Variants in THSD4 observed in about 807,000 individuals in gnomAD.
THSD4 encodes the protein thrombospondin type 1 domain containing 4, also known as thrombospondin type-1 domain-containing protein 4.
Under a neutral mutation model 119.0 loss-of-function variants are expected in THSD4, and 69 were observed. The observed-to-expected ratio is 0.58, with a 90% CI of 0.48 to 0.71. THSD4 has a LOEUF of 0.71. Ranked by LOEUF, THSD4 falls within the 30% of genes least tolerant of loss-of-function variation. The pLI is 0.00. For synonymous variants in THSD4, 524 were observed against 540.4 expected (o/e 0.97, Z 0.42); for missense variants, 1,393 against 1,391.1 (o/e 1.00, Z -0.02).
At chr15:71,710,390 T>C (rs1205547467) in intron 8 of THSD4, among the ~76,000 whole-genome samples, 1 of 152,214 alleles carries the variant, frequency 6.6e-6, no homozygotes. Context: ...CATCTGTAGT[T>C]GGAATCTTGA....
At chr15:71,165,211 G>T in intron 3 of THSD4, 3 of 1,558,804 alleles carry the variant, frequency 1.9e-6, no homozygotes, top group Non-Finnish European at 2.7e-6. Context: ...TTTCATAATG[G>T]GCCTTGTCCA....
At chr15:71,648,564 A>G (rs1269021098) in intron 7 of THSD4, among the ~76,000 whole-genome samples, 1 of 152,234 alleles carries the variant, frequency 6.6e-6, no homozygotes, top group Non-Finnish European at 1.5e-5. Context: ...AGTTACAAAG[A>G]TAAAAGAAAT....
chr15:71,494,312 G>A (rs967320801), intron 7 of THSD4, among the ~76,000 whole-genome samples: 2 of 152,064 alleles, frequency 1.3e-5, no homozygotes, highest in Non-Finnish European at 2.9e-5. Flanking sequence ...GCTCATCTCT[G>A]TCCCCATCTT....
chr15:71,520,393 C>G lies in THSD4; in HGVS notation c.1152+108570C>G, dbSNP rs1359715307. Among the ~76,000 whole-genome samples the G allele has an allele frequency of 3.3e-5, 5 of 152,250 alleles. No individual in the cohort carries two copies. The East Asian group carries it at 9.7e-4, about 29-fold the overall frequency. On this transcript the variant is annotated intron_variant, in intron 7 of 17. Transcript: ENST00000261862. The stretch of plus-strand genomic sequence containing the variant: ...ATCAGTTCAGACTGGAAGCATGGAG[C>G]CTAGGAGTGACTGCTCTTTCTTGAA...
At chr15:71,433,843 C>A (rs1220533311) in intron 7 of THSD4, among the ~76,000 whole-genome samples, 2 of 152,090 alleles carry the variant, frequency 1.3e-5, no homozygotes, top group Non-Finnish European at 2.9e-5. Flanking sequence ...CCAGGCCTCA[C>A]CATGGCCACC....
chr15:71,151,543 A>G (rs546630446), intron 2 of THSD4, among the ~76,000 whole-genome samples: 1 of 152,318 alleles, frequency 6.6e-6, no homozygotes, highest in South Asian at 2.1e-4. Context: ...CATTTTACAG[A>G]TGAGGAAACT....
intron 7 of THSD4, among the ~76,000 whole-genome samples, chr15:71,454,491 C>A (rs998948048): frequency 9.9e-5 from 15 of 152,226 alleles, no homozygotes; most frequent in Non-Finnish European, 1.6e-4. Context: ...CTGTGGGGCT[C>A]CAGGGCCAAG....
intron 6 of THSD4, among the ~76,000 whole-genome samples, chr15:71,270,362 A>G (rs1365741959): frequency 6.6e-6 from 1 of 152,222 alleles, no homozygotes; most frequent in African/African-American, 2.4e-5. Context: ...AGGATTCCCT[A>G]TTTAATAAAT....
At chr15:71,255,947 C>T (rs2044310287) in intron 5 of THSD4, among the ~76,000 whole-genome samples, 1 of 152,110 alleles carries the variant, frequency 6.6e-6, no homozygotes, top group African/African-American at 2.4e-5. Flanking sequence ...CAGATGGCCT[C>T]TTTGAGAGAA....
intron 6 of THSD4, among the ~76,000 whole-genome samples, chr15:71,329,897 A>G (rs2045399926): frequency 6.6e-6 from 1 of 152,190 alleles, no homozygotes; most frequent in African/African-American, 2.4e-5. Context: ...CCTGGGCAAC[A>G]TGGTGAAACT....
chr15:71,768,185 T>A (rs1475416108), intron 16 of THSD4, among the ~76,000 whole-genome samples: 2 of 151,974 alleles, frequency 1.3e-5, no homozygotes, highest in Non-Finnish European at 2.9e-5. Flanking sequence ...CTAAACTCCC[T>A]GTAAACTGAT....
At chr15:71,111,918 T>C (rs1478701716), upstream of THSD4, 10 of 566,430 alleles carry the variant, frequency 1.8e-5, no homozygotes, top group Non-Finnish European at 2.7e-5. Context: ...CCACGTCAAA[T>C]ACATTTGGGA....
At chr15:71,227,286 C>G (rs1350015773) in intron 4 of THSD4, among the ~76,000 whole-genome samples, 2 of 152,216 alleles carry the variant, frequency 1.3e-5, no homozygotes, top group East Asian at 3.8e-4. Context: ...ATTGAACTTT[C>G]TCCAAGTCAT....
At chr15:71,405,037 C>T (rs13329459) in intron 6 of THSD4, among the ~76,000 whole-genome samples, 26,158 of 151,938 alleles carry the variant, frequency 0.17, 2,300 homozygotes, top group South Asian at 0.24. Flanking sequence ...TACAGATGTG[C>T]GCAACCATGC....
chr15:71,199,933 GTGTA>G (rs2043787368), intron 3 of THSD4, among the ~76,000 whole-genome samples: 1 of 113,552 alleles, frequency 8.8e-6, no homozygotes, highest in Non-Finnish European at 2.0e-5. Context: ...GTGTGTGTGT[GTGTA>G]TGGCAGGGTG....
At chr15:71,564,775 GTATATTATAA>G (rs2049200171) in intron 7 of THSD4, among the ~76,000 whole-genome samples, 1 of 7,722 alleles carries the variant, frequency 1.3e-4, no homozygotes. Flanking sequence ...AATATATATT[GTATATTATAA>G]CATATAATAC....
intron 6 of THSD4, among the ~76,000 whole-genome samples, chr15:71,265,038 A>T (rs1285850613): frequency 6.6e-6 from 1 of 152,096 alleles, no homozygotes; most frequent in Non-Finnish European, 1.5e-5. Context: ...TAGTGTTCTT[A>T]TAAGAGGAAC....
chr15:71,443,555 G>A (rs181046939), intron 7 of THSD4, among the ~76,000 whole-genome samples: 10 of 152,278 alleles, frequency 6.6e-5, no homozygotes, highest in Non-Finnish European at 1.3e-4. Context: ...CATTGAAACA[G>A]CCCTTTGAAA....
At chr15:71,118,787 C>T (rs1394675178) in intron 1 of THSD4, among the ~76,000 whole-genome samples, 1 of 152,190 alleles carries the variant, frequency 6.6e-6, no homozygotes, top group Non-Finnish European at 1.5e-5. Context: ...TGCTGGAAGC[C>T]AACACATGAT....
Sources: gnomAD v4.1 joint callset for allele counts (sites outside exome capture counted in the v4.1 genomes callset) on GRCh38, gnomAD v4.1.1 for gene constraint, MANE v1.5 for transcripts, NCBI Gene and HGNC (gene_info 2026-07-23, HGNC 2026-07-21) for gene names.